The following BCL2L2 variants were observed in gnomAD, a reference collection of about 807,000 sequenced individuals.
BCL2L2 encodes bcl-2-like protein 2.
A neutral mutation model predicts 14.6 loss-of-function variants in BCL2L2; 6 were observed. The observed-to-expected ratio is 0.41, with a 90% CI of 0.22 to 0.81. The LOEUF (loss-of-function observed/expected upper bound fraction) is 0.81, where lower values mean the gene tolerates loss of function less well. Among genes scored for constraint, BCL2L2 ranks in the 30% least tolerant of loss-of-function variants. BCL2L2 has a pLI of 0.32. For synonymous variants in BCL2L2, 90 were observed against 108.5 expected, an observed-to-expected ratio of 0.83 and a Z score of 1.06; for missense variants, 191 against 260.5, an observed-to-expected ratio of 0.73 and a Z score of 1.84.
rs1231150984 is a variant in BCL2L2, at chr14:23,309,676, A to G, written c.*711A>G. 24 of 985,464 alleles carry G rather than the reference A, an allele frequency of 2.4e-5. No individual in the cohort carries two copies. The highest frequency in any genetic ancestry group is 2.8e-5 in the Non-Finnish European group (23 of 830,054). The allele number at this position is 985,464 out of a possible 1,614,324, so 61.0% of individuals were successfully genotyped here. A position where few individuals can be genotyped will look rare whatever the true frequency, so the allele number is the denominator to read the frequency against. On this transcript the variant is annotated 3_prime_UTR_variant, in exon 4 of 4. Transcript: ENST00000250405. ...CAGAAAGTGATTGGCAAGGCTTTGG[A>G]GAGAAGAGCAGTTCTGCAGCTGGCC...
chr14:23,311,408 T>C lies in BCL2L2; in HGVS notation c.*2443T>C. On this transcript the variant is annotated 3_prime_UTR_variant, in exon 4 of 4. Transcript: ENST00000250405. ...TAATTGCCATTTTTCAAAGATTAAGTAGGAGGAGAGGGGTTTCTTGCTCTC... is the reference window on the plus strand; with the variant it reads ...TAATTGCCATTTTTCAAAGATTAAGCAGGAGGAGAGGGGTTTCTTGCTCTC... The C allele has an allele frequency of 9.2e-7, 1 of 1,087,266 alleles. No homozygotes were observed. Among genetic ancestry groups the C allele is most frequent in the Non-Finnish European group, 1.1e-6 (1 of 892,040 alleles). 67.4% of individuals were successfully genotyped at this position (1,087,266 alleles called of 1,614,324 possible).
At position 23,310,800 on chromosome 14, in the gene BCL2L2, G is replaced by A; in HGVS notation, c.*1835G>A. ...GGGGAGATGAAGGGGGTGGGGAGCT[G>A]AGCAGGCTGGGCAATTTGCCCTCAA... On this transcript the variant is annotated 3_prime_UTR_variant, in exon 4 of 4. Coordinates refer to ENST00000250405, the MANE Select transcript of BCL2L2 (RefSeq NM_004050.5). 1 of 1,204,038 alleles carries A rather than the reference G, an allele frequency of 8.3e-7. No individual in the cohort carries two copies. The highest frequency in any genetic ancestry group is 5.7e-5 in the East Asian group (1 of 17,428). 74.6% of individuals were successfully genotyped at this position (1,204,038 alleles called of 1,614,324 possible).
In BCL2L2 at chr14:23,309,629, C is replaced by T. The variant is rs1022760703; in HGVS notation, c.*664C>T. Reference sequence around the variant, plus strand: ...TTAGAGAGAAACATTGTATCCAGACCGAGGGCTCTGCTGCTTCTTTCCAGA... The same window carrying T: ...TTAGAGAGAAACATTGTATCCAGACTGAGGGCTCTGCTGCTTCTTTCCAGA... On this transcript the variant is annotated 3_prime_UTR_variant, in exon 4 of 4. Transcript: ENST00000250405. 3.0e-6 allele frequency: 3 copies of T among 985,456 alleles called. No homozygotes were observed. The highest frequency in any genetic ancestry group is 1.1e-4 in the East Asian group (1 of 8,830). 61.0% of individuals were successfully genotyped at this position (985,456 alleles called of 1,614,324 possible).
Position 23,307,947 on chromosome 14 carries a change from C to A in BCL2L2, c.180C>A (p.Thr60=), listed in dbSNP as rs888194064. The stretch of plus-strand genomic sequence containing the variant: ...AGTTCGAGACCCGCTTCCGGCGCAC[C>A]TTCTCTGATCTGGCGGCTCAGCTGC... The part of the protein sequence containing the change: ...GDEFETRFRR[T]FSDLAAQLHV... Residue 60 remains threonine, a synonymous_variant, in exon 3 of 4, where the codon ACC becomes ACA. Coordinates refer to ENST00000250405, the MANE Select transcript of BCL2L2 (RefSeq NM_004050.5). The A allele has an allele frequency of 1.1e-5, 17 of 1,613,918 alleles. No individual in the cohort carries two copies. Among genetic ancestry groups the A allele is most frequent in the Non-Finnish European group, 1.4e-5 (16 of 1,179,942 alleles).
Position 23,310,688 on chromosome 14 carries a change from T to C in BCL2L2, c.*1723T>C, listed in dbSNP as rs559834241. On this transcript the variant is annotated 3_prime_UTR_variant, in exon 4 of 4. Transcript: ENST00000250405. ...GCAAGCAGTTGGGGTGGGGGGTCTC[T>C]GACTTGCTCAGGACAAACTAGGCCA... 1.0e-4 allele frequency: 115 copies of C among 1,147,682 alleles called. No individual in the cohort carries two copies. Among genetic ancestry groups the C allele is most frequent in the Non-Finnish European group, 1.2e-4 (113 of 923,802 alleles). 71.1% of individuals were successfully genotyped at this position (1,147,682 alleles called of 1,614,324 possible). A position where few individuals can be genotyped will look rare whatever the true frequency, so the allele number is the denominator to read the frequency against.
chr14:23,307,629 C>G (rs1887315768), intron 2 of BCL2L2, 131 bp from the exon 3 acceptor site: 3 of 1,250,024 alleles, frequency 2.4e-6, no homozygotes, highest in Non-Finnish European at 3.2e-6. Flanking sequence ...TTGTTCTTGC[C>G]TCTCCCTGTC....
Position 23,311,710 on chromosome 14 carries a change from C to A in BCL2L2, c.*2745C>A. The A allele has an allele frequency of 3.2e-6, 3 of 942,824 alleles. No homozygotes were observed. The highest frequency in any genetic ancestry group is 3.8e-6 in the Non-Finnish European group (3 of 791,418). The allele number at this position is 942,824 out of a possible 1,614,324, so 58.4% of individuals were successfully genotyped here. A position where few individuals can be genotyped will look rare whatever the true frequency, so the allele number is the denominator to read the frequency against. Reference sequence around the variant, plus strand: ...TTATTTTTGTGTAATATGTAATGATCGTATTAAAAACAATAAATAAAGCCC... The same window carrying A: ...TTATTTTTGTGTAATATGTAATGATAGTATTAAAAACAATAAATAAAGCCC... On this transcript the variant is annotated 3_prime_UTR_variant, in exon 4 of 4. Coordinates refer to ENST00000250405, the MANE Select transcript of BCL2L2 (RefSeq NM_004050.5).
Position 23,308,309 on chromosome 14 carries a change from A to T in BCL2L2, c.432+110A>T, listed in dbSNP as rs1484737848. 2 of 1,407,646 alleles carry T rather than the reference A, an allele frequency of 1.4e-6. No homozygotes were observed. The highest frequency in any genetic ancestry group is 9.3e-7 in the Non-Finnish European group (1 of 1,070,778). The allele number at this position is 1,407,646 out of a possible 1,614,324, so 87.2% of individuals were successfully genotyped here. ...GAGGCAGCTATGTTGGGAATGAGGT[A>T]CGGGGCTGAGTCTCCCCGTCTGGAT... On this transcript the variant is annotated intron_variant, in intron 3 of 3. Transcript: ENST00000250405. The surrounding 1 kb of genome is among the most constrained non-coding windows in gnomAD (Gnocchi z 5.4).
rs59634591 is a variant in BCL2L2 at position 23,309,731 on chromosome 14, C to T, written c.*766C>T. Reference sequence around the variant, plus strand: ...TCCTTCATCATCCCCCTTCCTTGTGCATTATGCACTTGCTGCTGCCTCCTG... The same window carrying T: ...TCCTTCATCATCCCCCTTCCTTGTGTATTATGCACTTGCTGCTGCCTCCTG... On this transcript the variant is annotated 3_prime_UTR_variant, in exon 4 of 4. Transcript: ENST00000250405. 4.2e-4 allele frequency: 410 copies of T among 985,582 alleles called. 2 individuals carry two copies. In the African/African-American group the frequency reaches 6.7e-3, roughly 16 times the overall value. The allele number at this position is 985,582 out of a possible 1,614,324, so 61.1% of individuals were successfully genotyped here.
chr14:23,307,856 G>T lies in BCL2L2; in HGVS notation c.89G>T (p.Gly30Val). 1 of 1,610,128 alleles carries T rather than the reference G, an allele frequency of 6.2e-7. No homozygotes were observed. Among genetic ancestry groups the T allele is most frequent in the Non-Finnish European group, 8.5e-7 (1 of 1,178,362 alleles). Residue 30 changes from glycine (G) to valine (V), a missense_variant, in exon 3 of 4, where the codon GGA becomes GTA. Transcript: ENST00000250405. ...YKLRQKGYVC[G>V]AGPGEGPAAD... ...CTGAGGCAGAAGGGTTATGTCTGTG[G>T]AGCTGGCCCCGGGGAGGGCCCAGCA...
At chr14:23,307,716 CTCTT>C (rs1392592341) in intron 2 of BCL2L2, 40 bp from the exon 3 acceptor site, 1 of 1,511,578 alleles carries the variant, frequency 6.6e-7, no homozygotes, top group African/African-American at 1.4e-5. Flanking sequence ...TTCTGATTCT[CTCTT>C]CATATATTCA....
intron 2 of BCL2L2, 136 bp from the exon 3 acceptor site, chr14:23,307,624 C>T (rs895542056): frequency 1.8e-5 from 22 of 1,191,458 alleles, no homozygotes; most frequent in Non-Finnish European, 2.5e-5. Flanking sequence ...TTCCCTTGTT[C>T]TTGCCTCTCC....
Position 23,310,000 on chromosome 14 carries a change from G to A in BCL2L2, c.*1035G>A. On this transcript the variant is annotated 3_prime_UTR_variant, in exon 4 of 4. Coordinates refer to ENST00000250405, the MANE Select transcript of BCL2L2 (RefSeq NM_004050.5). ...TCCCACACTGTGTCTCAGTGAGACT[G>A]TTGATGCCTTGAGATGACCATTTCA... The A allele has an allele frequency of 1.0e-6, 1 of 985,542 alleles. No homozygotes were observed. The allele number at this position is 985,542 out of a possible 1,614,324, so 61.0% of individuals were successfully genotyped here.
In BCL2L2 at chr14:23,310,202, C is replaced by T. The variant is rs1160320058; in HGVS notation, c.*1237C>T. On this transcript the variant is annotated 3_prime_UTR_variant, in exon 4 of 4. Transcript: ENST00000250405. ...CACTGTTTGCATGGGTGTTACTTGT[C>T]TGTACCTCAGAGTCTGAGGATGTTA... 1 of 985,822 alleles carries T rather than the reference C, an allele frequency of 1.0e-6. No homozygotes were observed. Among genetic ancestry groups the T allele is most frequent in the Non-Finnish European group, 1.2e-6 (1 of 830,002 alleles). The allele number at this position is 985,822 out of a possible 1,614,324, so 61.1% of individuals were successfully genotyped here. A position where few individuals can be genotyped will look rare whatever the true frequency, so the allele number is the denominator to read the frequency against.
At chr14:23,307,670 C>A (rs1887317932) in intron 2 of BCL2L2, 90 bp from the exon 3 acceptor site, 4 of 1,482,726 alleles carry the variant, frequency 2.7e-6, no homozygotes, top group African/African-American at 1.4e-5. Context: ...CTCTCTCCTC[C>A]TCATCTCACT....
In BCL2L2 at chr14:23,308,517, G is replaced by A. The variant is rs1887400734; in HGVS notation, c.433-299G>A. On this transcript the variant is annotated intron_variant, in intron 3 of 3. Coordinates refer to ENST00000250405, the MANE Select transcript of BCL2L2 (RefSeq NM_004050.5). The surrounding 1 kb of genome is among the most constrained non-coding windows in gnomAD (Gnocchi z 5.4). ...GGGAGGTGGGGAGGACCAGGGATGG[G>A]TGGTGGTCAGGCAAGCCTTGGCAAA... 6.6e-6 allele frequency among the ~76,000 whole-genome samples: 1 copy of A among 152,098 alleles called. No homozygotes were observed. The highest frequency in any genetic ancestry group is 1.5e-5 in the Non-Finnish European group (1 of 68,018).
At chr14:23,307,590 G>A (rs1887313103) in intron 2 of BCL2L2, among the ~76,000 whole-genome samples, 170 bp from the exon 3 acceptor site, 1 of 152,188 alleles carries the variant, frequency 6.6e-6, no homozygotes, top group Non-Finnish European at 1.5e-5. Flanking sequence ...GCCACTCACA[G>A]CCTAGTCTCA....
chr14:23,308,965 A>G lies in BCL2L2; in HGVS notation c.582A>G (p.Ter194TrpextTer8). Residue 194 changes from the stop codon to tryptophan (W), a stop_lost, in exon 4 of 4, where the codon TGA becomes TGG. Coordinates refer to ENST00000250405, the MANE Select transcript of BCL2L2 (RefSeq NM_004050.5). This position sits in a 1 kb window ranked among gnomAD's most constrained non-coding sequence, Gnocchi z 5.4. ...TAGGGGCCTTTTTTGCTAGCAAGTGAAAGTCCAGGGCCAGGTGGGGCTAGG... is the reference window on the plus strand; with the variant it reads ...TAGGGGCCTTTTTTGCTAGCAAGTGGAAGTCCAGGGCCAGGTGGGGCTAGG... ...VTVGAFFASK[*>W] is the part of the protein sequence containing the mutation. 1 of 1,325,386 alleles carries G rather than the reference A, an allele frequency of 7.5e-7. No individual in the cohort carries two copies. Among genetic ancestry groups the G allele is most frequent in the Non-Finnish European group, 9.7e-7 (1 of 1,028,952 alleles). The allele number at this position is 1,325,386 out of a possible 1,614,324, so 82.1% of individuals were successfully genotyped here. A position where few individuals can be genotyped will look rare whatever the true frequency, so the allele number is the denominator to read the frequency against.
In BCL2L2 at chr14:23,311,051, G is replaced by C; in HGVS notation, c.*2086G>C. 2 of 1,289,462 alleles carry C rather than the reference G, an allele frequency of 1.6e-6. No homozygotes were observed. Among genetic ancestry groups the C allele is most frequent in the South Asian group, 2.5e-5 (2 of 81,024 alleles). The allele number at this position is 1,289,462 out of a possible 1,614,324, so 79.9% of individuals were successfully genotyped here. A position where few individuals can be genotyped will look rare whatever the true frequency, so the allele number is the denominator to read the frequency against. On this transcript the variant is annotated 3_prime_UTR_variant, in exon 4 of 4. Coordinates refer to ENST00000250405, the MANE Select transcript of BCL2L2 (RefSeq NM_004050.5). Reference sequence around the variant, plus strand: ...AGCATTCCCCGGGACCTTTAGCCAAGAGGAGCTGCAGGGACCATGGCCAGG... The same window carrying C: ...AGCATTCCCCGGGACCTTTAGCCAACAGGAGCTGCAGGGACCATGGCCAGG...
Sources: allele counts gnomAD v4.1 joint callset (sites outside exome capture counted in the v4.1 genomes callset), GRCh38; gene constraint gnomAD v4.1.1; non-coding constraint Gnocchi (gnomAD v3.1); transcripts MANE v1.5; gene names NCBI Gene and HGNC (gene_info 2026-07-23, HGNC 2026-07-21).